Variants in CTDSPL observed in about 807,000 individuals in gnomAD.
The protein encoded by CTDSPL is CTD small phosphatase like.
CTDSPL carries 8 observed loss-of-function variants against 30.5 expected under a neutral mutation model. The ratio of observed to expected loss-of-function variants is 0.26; its 90% CI spans 0.15 to 0.47. The LOEUF is 0.47. CTDSPL is among the 20% of genes least tolerant of loss of function. The pLI, the probability that CTDSPL is intolerant of heterozygous loss-of-function variation, is 0.99. For missense variants in CTDSPL, 248 were observed against 366.1 expected (o/e 0.68, Z 2.63); for synonymous variants, 110 against 137.9 (o/e 0.80, Z 1.42).
At chr3:37,894,183 G>C (rs554769515) in intron 1 of CTDSPL, among the ~76,000 whole-genome samples, 2 of 152,270 alleles carry the variant, frequency 1.3e-5, no homozygotes, top group Admixed American at 1.3e-4. Flanking sequence ...CTGGGCTCAA[G>C]TGATTCACCT....
At chr3:37,948,469 A>C (rs564563441) in intron 2 of CTDSPL, among the ~76,000 whole-genome samples, 1 of 152,250 alleles carries the variant, frequency 6.6e-6, no homozygotes, top group African/African-American at 2.4e-5. Context: ...CACAAAAGTC[A>C]TAAAACTTTA....
intron 1 of CTDSPL, 123 bp from the exon 2 acceptor site, chr3:37,946,934 A>AGCAG: frequency 1.0e-6 from 1 of 993,670 alleles, no homozygotes; most frequent in Non-Finnish European, 1.4e-6. Context: ...TCTCCTGCTG[A>AGCAG]GCAGGCCCTC....
At chr3:37,946,969 G>A in intron 1 of CTDSPL, 88 bp from the exon 2 acceptor site, 1 of 1,416,856 alleles carries the variant, frequency 7.1e-7, no homozygotes, top group Non-Finnish European at 9.4e-7. Flanking sequence ...GGGTCTGGGG[G>A]GCAACTGCAC....
At chr3:37,894,412 T>G (rs1465273961) in intron 1 of CTDSPL, among the ~76,000 whole-genome samples, 1 of 152,172 alleles carries the variant, frequency 6.6e-6, no homozygotes, top group Non-Finnish European at 1.5e-5. Context: ...CAGCCAAGTT[T>G]TTTTTTCCAA....
At chr3:37,951,865 A>G (rs1699113469) in intron 2 of CTDSPL, among the ~76,000 whole-genome samples, 1 of 152,206 alleles carries the variant, frequency 6.6e-6, no homozygotes, top group Non-Finnish European at 1.5e-5. Flanking sequence ...AATAAATAGC[A>G]AACATAACAT....
chr3:37,912,858 A>G (rs1698599145), intron 1 of CTDSPL, among the ~76,000 whole-genome samples: 1 of 152,236 alleles, frequency 6.6e-6, no homozygotes, highest in African/African-American at 2.4e-5. Context: ...ATTGCCAGCA[A>G]TGGCTTCCAT....
At chr3:37,974,189 G>A (rs566018550) in intron 6 of CTDSPL, among the ~76,000 whole-genome samples, 7 of 152,286 alleles carry the variant, frequency 4.6e-5, no homozygotes, top group African/African-American at 1.7e-4. Flanking sequence ...ACCCACCCAC[G>A]TGGCCCCTGG....
At chr3:37,906,244 C>G (rs1023609746) in intron 1 of CTDSPL, among the ~76,000 whole-genome samples, 2 of 152,110 alleles carry the variant, frequency 1.3e-5, no homozygotes, top group Non-Finnish European at 1.5e-5. Flanking sequence ...CTGGCTCCAC[C>G]CTGTGGCATC....
At chr3:37,924,405 A>G (rs1247833368) in intron 1 of CTDSPL, among the ~76,000 whole-genome samples, 1 of 152,238 alleles carries the variant, frequency 6.6e-6, no homozygotes, top group African/African-American at 2.4e-5. Context: ...TGTGATAAAA[A>G]TGCCAAAAGC....
chr3:37,881,021 CAAAAAAA>C (rs200179594), intron 1 of CTDSPL, among the ~76,000 whole-genome samples: 1 of 84,234 alleles, frequency 1.2e-5, no homozygotes, highest in Non-Finnish European at 2.6e-5. Context: ...TGAGGGGGAC[CAAAAAAA>C]AAAAAAAAAG....
chr3:37,893,169 C>G (rs1336259411), intron 1 of CTDSPL, among the ~76,000 whole-genome samples: 1 of 152,178 alleles, frequency 6.6e-6, no homozygotes, highest in Non-Finnish European at 1.5e-5. Flanking sequence ...TGCCCTTTAG[C>G]AGGACAGAAC....
rs903830711 is a variant in CTDSPL at position 37,862,191 on chromosome 3, C to A, written c.-9C>A. On this transcript the variant is annotated 5_prime_UTR_variant, in exon 1 of 8. Coordinates refer to ENST00000273179, the MANE Select transcript of CTDSPL (RefSeq NM_001008392.2). The surrounding 1 kb of genome is among the most constrained non-coding windows in gnomAD (Gnocchi z 4.3). ...CCGGGCCTGCGGGCGGCCGCCGCGC[C>A]GCGCACCCATGGACGGCCCGGCCAT... The A allele has an allele frequency of 4.3e-5, 52 of 1,209,712 alleles. No homozygotes were observed. Among genetic ancestry groups the A allele is most frequent in the Non-Finnish European group, 5.1e-5 (49 of 969,570 alleles). 74.9% of individuals were successfully genotyped at this position (1,209,712 alleles called of 1,614,324 possible). A position where few individuals can be genotyped will look rare whatever the true frequency, so the allele number is the denominator to read the frequency against.
intron 1 of CTDSPL, among the ~76,000 whole-genome samples, chr3:37,939,246 A>T (rs1400525009): frequency 6.7e-6 from 1 of 150,258 alleles, no homozygotes; most frequent in African/African-American, 2.4e-5. Flanking sequence ...TTACACAAAC[A>T]TACATGTTTT....
rs2125638810 is a variant in CTDSPL at position 37,983,823 on chromosome 3, A to G, written c.*2956A>G. 5.9e-6 allele frequency: 1 copy of G among 170,470 alleles called. No homozygotes were observed. Among genetic ancestry groups the G allele is most frequent in the African/African-American group, 2.4e-5 (1 of 42,508 alleles). 10.6% of individuals were successfully genotyped at this position (170,470 alleles called of 1,614,324 possible). On this transcript the variant is annotated 3_prime_UTR_variant, in exon 8 of 8. Coordinates refer to ENST00000273179, the MANE Select transcript of CTDSPL (RefSeq NM_001008392.2). ...TGTAAATAATGCATTTGCATACTGA[A>G]AAAGGAATGCCACCTGCCACAGTTG... is the stretch of plus-strand genomic sequence containing the variant.
chr3:37,894,570 A>G (rs746727156), intron 1 of CTDSPL, among the ~76,000 whole-genome samples: 2 of 152,028 alleles, frequency 1.3e-5, no homozygotes, highest in Non-Finnish European at 2.9e-5. Flanking sequence ...CTTTATGTTT[A>G]TCTTGCTTAG....
intron 2 of CTDSPL, chr3:37,955,134 G>A (rs1201664349): frequency 6.6e-6 from 1 of 152,292 alleles, no homozygotes; most frequent in Non-Finnish European, 1.5e-5. Context: ...CACTAGACGG[G>A]GAGAGAGTGT....
At chr3:37,889,213 C>T (rs771443136) in intron 1 of CTDSPL, among the ~76,000 whole-genome samples, 1 of 152,086 alleles carries the variant, frequency 6.6e-6, no homozygotes, top group Admixed American at 6.6e-5. Flanking sequence ...CAATACAGGA[C>T]GTGGACCACA....
Position 37,984,281 on chromosome 3 carries a change from C to A in CTDSPL, c.*3414C>A, listed in dbSNP as rs1349711861. 2.2e-6 allele frequency: 1 copy of A among 456,940 alleles called. No homozygotes were observed. Among genetic ancestry groups the A allele is most frequent in the Non-Finnish European group, 4.4e-6 (1 of 227,034 alleles). 28.3% of individuals were successfully genotyped at this position (456,940 alleles called of 1,614,324 possible). Reference sequence around the variant, plus strand: ...CTGCAGACTGACACACCCTCCCCCACCCCGGGTAGTGGAGATGCTGGTGTC... The same window carrying A: ...CTGCAGACTGACACACCCTCCCCCAACCCGGGTAGTGGAGATGCTGGTGTC... On this transcript the variant is annotated 3_prime_UTR_variant, in exon 8 of 8. Coordinates refer to ENST00000273179, the MANE Select transcript of CTDSPL (RefSeq NM_001008392.2).
chr3:37,938,930 C>T (rs7616250), intron 1 of CTDSPL, among the ~76,000 whole-genome samples: 5,335 of 149,864 alleles, frequency 0.036, 412 homozygotes, highest in African/African-American at 0.12. Context: ...TTTTAAGCCC[C>T]ACATGTGGAG....
Sources: allele counts gnomAD v4.1 joint callset (sites outside exome capture counted in the v4.1 genomes callset), GRCh38; gene constraint gnomAD v4.1.1; non-coding constraint Gnocchi (gnomAD v3.1); transcripts MANE v1.5; gene names NCBI Gene and HGNC (gene_info 2026-07-23, HGNC 2026-07-21).